Variants in C1QTNF7 observed in about 807,000 individuals in gnomAD.
C1QTNF7 encodes the protein complement C1q tumor necrosis factor-related protein 7.
C1QTNF7 carries 15 observed loss-of-function variants against 19.6 expected under a neutral mutation model. That is an observed-to-expected ratio of 0.76 (90% CI 0.51 to 1.18). The LOEUF (loss-of-function observed/expected upper bound fraction) is 1.18. C1QTNF7 is among the 50% of genes most tolerant of loss of function. The pLI is 0.00. For synonymous variants in C1QTNF7, 142 were observed against 137.5 expected, an observed-to-expected ratio of 1.03 and a Z score of -0.23; for missense variants, 324 against 359.7, an observed-to-expected ratio of 0.90 and a Z score of 0.80.
chr4:15,400,531 T>C (rs1188392003), intron 1 of C1QTNF7, among the ~76,000 whole-genome samples: 1 of 152,222 alleles, frequency 6.6e-6, no homozygotes, highest in Non-Finnish European at 1.5e-5. Flanking sequence ...CTTTGGAAAT[T>C]GTACAATATT....
At chr4:15,404,061 G>A (rs921375733) in intron 1 of C1QTNF7, among the ~76,000 whole-genome samples, 1 of 151,902 alleles carries the variant, frequency 6.6e-6, no homozygotes, top group South Asian at 2.1e-4. Flanking sequence ...TCTATTTTAG[G>A]CATTTAGTCA....
intron 1 of C1QTNF7, among the ~76,000 whole-genome samples, chr4:15,396,038 G>T (rs1718767850): frequency 6.6e-6 from 1 of 152,254 alleles, no homozygotes; most frequent in East Asian, 1.9e-4. Flanking sequence ...CTAAGCAGTG[G>T]GAGTTTCAGG....
At chr4:15,386,303 G>T (rs1718334033) in intron 1 of C1QTNF7, among the ~76,000 whole-genome samples, 1 of 152,200 alleles carries the variant, frequency 6.6e-6, no homozygotes, top group Non-Finnish European at 1.5e-5. Context: ...TGAAGTCTTA[G>T]ATACAAGAGG....
intron 1 of C1QTNF7, among the ~76,000 whole-genome samples, chr4:15,371,338 C>T (rs955405830): frequency 4.6e-5 from 7 of 152,320 alleles, no homozygotes; most frequent in Middle Eastern, 3.4e-3. Context: ...TGTTCTTGGG[C>T]GTATGCTTGC....
intron 1 of C1QTNF7, among the ~76,000 whole-genome samples, chr4:15,346,240 C>G (rs1253718475): frequency 2.0e-5 from 3 of 152,146 alleles, no homozygotes; most frequent in African/African-American, 7.2e-5. Flanking sequence ...TGCCTAGGGT[C>G]AGAGGGTTAG....
At chr4:15,375,746 T>C (rs1717916170) in intron 1 of C1QTNF7, among the ~76,000 whole-genome samples, 1 of 152,206 alleles carries the variant, frequency 6.6e-6, no homozygotes, top group South Asian at 2.1e-4. Flanking sequence ...TGATTCATGA[T>C]TTCAATAAGA....
intron 1 of C1QTNF7, among the ~76,000 whole-genome samples, chr4:15,350,362 G>GGAAA (rs2109287456): frequency 8.2e-6 from 1 of 121,550 alleles, no homozygotes; most frequent in African/African-American, 3.3e-5. Context: ...GAGGGAGGAA[G>GGAAA]GAAAAAAGAA....
At chr4:15,423,921 T>G (rs1036874754), upstream of C1QTNF7, among the ~76,000 whole-genome samples, 1 of 152,204 alleles carries the variant, frequency 6.6e-6, no homozygotes, top group African/African-American at 2.4e-5. Flanking sequence ...GGCTAAACAC[T>G]CCACAATATC....
At chr4:15,402,758 C>G (rs1719044799) in intron 1 of C1QTNF7, among the ~76,000 whole-genome samples, 2 of 152,114 alleles carry the variant, frequency 1.3e-5, no homozygotes, top group Non-Finnish European at 2.9e-5. Context: ...TTCAGCAATT[C>G]CTTCAGTTGG....
chr4:15,414,785 AT>A (rs1031019932), intron 1 of C1QTNF7, among the ~76,000 whole-genome samples: 2 of 151,344 alleles, frequency 1.3e-5, no homozygotes, highest in Non-Finnish European at 1.5e-5. Context: ...GAGTTGTTCT[AT>A]TTTTTTTTCT....
At chr4:15,416,767 T>G (rs1719622014) in intron 1 of C1QTNF7, among the ~76,000 whole-genome samples, 4 of 152,364 alleles carry the variant, frequency 2.6e-5, no homozygotes, top group Admixed American at 1.3e-4. Flanking sequence ...AGCATTGCAT[T>G]ATTGCATTGA....
chr4:15,419,136 G>A (rs544776685), intron 1 of C1QTNF7, among the ~76,000 whole-genome samples: 1 of 152,192 alleles, frequency 6.6e-6, no homozygotes, highest in Non-Finnish European at 1.5e-5. Context: ...CAGGGACAAG[G>A]CAGTGTAAAT....
intron 1 of C1QTNF7, among the ~76,000 whole-genome samples, chr4:15,364,174 T>G (rs1717434932): frequency 6.6e-6 from 1 of 152,244 alleles, no homozygotes; most frequent in Non-Finnish European, 1.5e-5. Flanking sequence ...TCTATCTTTT[T>G]GGTTGACTCT....
At chr4:15,435,637 T>G in intron 1 of C1QTNF7, 99 bp from the exon 2 acceptor site, 1 of 1,516,488 alleles carries the variant, frequency 6.6e-7, no homozygotes, top group Non-Finnish European at 8.9e-7. Context: ...AGTGATTTGT[T>G]GCAAATGCAC....
intron 1 of C1QTNF7, among the ~76,000 whole-genome samples, chr4:15,342,667 C>T (rs908806783): frequency 1.3e-5 from 2 of 152,174 alleles, no homozygotes; most frequent in African/African-American, 2.4e-5. Context: ...GGCAAAGGCA[C>T]AGAGGTGCAA....
chr4:15,351,408 C>G (rs990418453), intron 1 of C1QTNF7, among the ~76,000 whole-genome samples: 1 of 152,150 alleles, frequency 6.6e-6, no homozygotes, highest in African/African-American at 2.4e-5. Flanking sequence ...AGATTTGCAT[C>G]TTTTACTACT....
intron 1 of C1QTNF7, among the ~76,000 whole-genome samples, chr4:15,360,473 G>A (rs1019694955): frequency 2.6e-5 from 4 of 151,896 alleles, no homozygotes; most frequent in Non-Finnish European, 1.5e-5. Flanking sequence ...GGCCAACATC[G>A]CTGTAACTCA....
In C1QTNF7 at chr4:15,442,726, G is replaced by A; in HGVS notation, c.797G>A (p.Ser266Asn). The stretch of plus-strand genomic sequence containing the variant: ...TTCTCAGACCCAGGTTGGGCAGACA[G>A]CTTATTCTCCGGGTTTCTCTTATAC... The part of the protein sequence containing the change: ...GLFSDPGWAD[S>N]LFSGFLLYVD... The change falls in exon 3 of 3, where the codon AGC becomes AAC. Residue 266 changes from serine to asparagine, a missense_variant. Ser to Asn is a conservative substitution (Grantham distance 46). Transcript: ENST00000444304. The A allele has an allele frequency of 6.2e-7, 1 of 1,614,110 alleles. No homozygotes were observed. The highest frequency in any genetic ancestry group is 8.5e-7 in the Non-Finnish European group (1 of 1,180,028).
chr4:15,432,655 A>T (rs1179337687), intron 1 of C1QTNF7, among the ~76,000 whole-genome samples: 2 of 152,310 alleles, frequency 1.3e-5, no homozygotes, highest in African/African-American at 2.4e-5. Flanking sequence ...TTGGCCACCC[A>T]AAGTGCTGGG....
Sources: allele counts gnomAD v4.1 joint callset (sites outside exome capture counted in the v4.1 genomes callset), GRCh38; gene constraint gnomAD v4.1.1; transcripts MANE v1.5; gene names NCBI Gene and HGNC (gene_info 2026-07-23, HGNC 2026-07-21).